OR56A1: variants seen among roughly 807,000 people sequenced by gnomAD.
OR56A1 encodes the protein olfactory receptor 56A1.
For synonymous variants in OR56A1, 174 were observed against 159.1 expected (o/e 1.09, Z -0.70); for missense variants, 360 against 380.9 (o/e 0.94, Z 0.46).
rs774909619 is a variant in OR56A1, at chr11:6,026,865, C to T, written c.828G>A (p.Leu276=). Residue 276 remains leucine, a synonymous_variant, in exon 2 of 2, where the codon CTG becomes CTA. Transcript: ENST00000641900. ...VARKKVPMDI[L]ILLNVLHHLI... ...GGTGATGAAGGACGTTCAGCAGGAT[C>T]AGGATGTCCATGGGGACCTTCTTTC... The T allele has an allele frequency of 6.2e-7, 1 of 1,614,040 alleles. No individual in the cohort carries two copies. Among genetic ancestry groups the T allele is most frequent in the African/African-American group, 1.3e-5 (1 of 74,940 alleles).
chr11:6,026,650 A>G lies in OR56A1; in HGVS notation c.*98T>C. ...TCAGTAATGAAGGGAGCCTCAGTGC[A>G]TGCAATAAACACTCACTAACTGACA... is the stretch of plus-strand genomic sequence containing the variant. On this transcript the variant is annotated 3_prime_UTR_variant, in exon 2 of 2. Coordinates refer to ENST00000641900, the MANE Select transcript of OR56A1 (RefSeq NM_001388488.1). The G allele has an allele frequency of 4.0e-6, 3 of 746,058 alleles. No homozygotes were observed. Among genetic ancestry groups the G allele is most frequent in the South Asian group, 1.8e-5 (1 of 55,902 alleles). The allele number at this position is 746,058 out of a possible 1,614,324, so 46.2% of individuals were successfully genotyped here.
At position 6,026,805 on chromosome 11, in the gene OR56A1, C is replaced by T; in HGVS notation, c.888G>A (p.Gly296=). 6.2e-7 allele frequency: 1 copy of T among 1,613,782 alleles called. No individual in the cohort carries two copies. The highest frequency in any genetic ancestry group is 8.5e-7 in the Non-Finnish European group (1 of 1,179,798). ...CCTGTTTTATCTCTTTGGTCCGAAC[C>T]CCATACACAATAGGGTTCAATGCAG... The part of the protein sequence containing the change: ...IPPALNPIVY[G]VRTKEIKQGI... Residue 296 remains glycine, a synonymous_variant, in exon 2 of 2, where the codon GGG becomes GGA. Transcript: ENST00000641900.
chr11:6,026,876 T>C lies in OR56A1; in HGVS notation c.817A>G (p.Met273Val), dbSNP rs768070559. Residue 273 changes from methionine to valine, a missense_variant, in exon 2 of 2, where the codon ATG becomes GTG. By Grantham distance (21) the Met-to-Val change is conservative. Transcript: ENST00000641900. ...ACGTTCAGCAGGATCAGGATGTCCA[T>C]GGGGACCTTCTTTCTGGCCACGTTT... ...LTNVARKKVPMDILILLNVLH... is the reference protein window; with the variant it reads ...LTNVARKKVPVDILILLNVLH... The C allele has an allele frequency of 2.5e-6, 4 of 1,614,138 alleles. No homozygotes were observed. The highest frequency in any genetic ancestry group is 3.4e-6 in the Non-Finnish European group (4 of 1,179,926).
Position 6,026,696 on chromosome 11 carries a change from G to A in OR56A1, c.*52C>T. On this transcript the variant is annotated 3_prime_UTR_variant, in exon 2 of 2. Transcript: ENST00000641900. Reference sequence around the variant, plus strand: ...TGACATTTCTCTACTTCGCTGCCTAGGTAAAATCACTGAAGAGGAAGAACA... The same window carrying A: ...TGACATTTCTCTACTTCGCTGCCTAAGTAAAATCACTGAAGAGGAAGAACA... 3.4e-6 allele frequency: 4 copies of A among 1,170,240 alleles called. No individual in the cohort carries two copies. The highest frequency in any genetic ancestry group is 1.4e-5 in the South Asian group (1 of 69,520). 72.5% of individuals were successfully genotyped at this position (1,170,240 alleles called of 1,614,324 possible).
Position 6,022,290 on chromosome 11 carries a change from G to C in OR56A1, c.*4458C>G, listed in dbSNP as rs1848404965. ...TTGCCACCCAGATTCAGAAGCACCA[G>C]TGAAGGTCTCTAAGAGCCCAGAACA... On this transcript the variant is annotated 3_prime_UTR_variant, in exon 2 of 2. Transcript: ENST00000641900. 6.6e-6 allele frequency: 1 copy of C among 152,078 alleles called. No individual in the cohort carries two copies. The highest frequency in any genetic ancestry group is 2.1e-4 in the South Asian group (1 of 4,820). The allele number at this position is 152,078 out of a possible 1,614,324, so 9.4% of individuals were successfully genotyped here.
rs1457346856 is a variant in OR56A1 at position 6,024,703 on chromosome 11, G to A, written c.*2045C>T. 1 of 152,114 alleles carries A rather than the reference G, an allele frequency of 6.6e-6. No individual in the cohort carries two copies. Among genetic ancestry groups the A allele is most frequent in the Admixed American group, 6.5e-5 (1 of 15,270 alleles). 9.4% of individuals were successfully genotyped at this position (152,114 alleles called of 1,614,324 possible). A position where few individuals can be genotyped will look rare whatever the true frequency, so the allele number is the denominator to read the frequency against. On this transcript the variant is annotated 3_prime_UTR_variant, in exon 2 of 2. Coordinates refer to ENST00000641900, the MANE Select transcript of OR56A1 (RefSeq NM_001388488.1). ...ACATGAACTTGGATTTTCATTATAA[G>A]TATTATTTTAGAAAATCAGTGGTGA...
chr11:6,022,301 T>C lies in OR56A1; in HGVS notation c.*4447A>G, dbSNP rs143854538. 1 of 152,146 alleles carries C rather than the reference T, an allele frequency of 6.6e-6. No individual in the cohort carries two copies. Among genetic ancestry groups the C allele is most frequent in the East Asian group, 1.9e-4 (1 of 5,172 alleles). The allele number at this position is 152,146 out of a possible 1,614,324, so 9.4% of individuals were successfully genotyped here. On this transcript the variant is annotated 3_prime_UTR_variant, in exon 2 of 2. Transcript: ENST00000641900. ...ATTCAGAAGCACCAGTGAAGGTCTC[T>C]AAGAGCCCAGAACATGGAGGATCCA... is the stretch of plus-strand genomic sequence containing the variant.
At chr11:6,028,056 G>A (rs35915176) in intron 1 of OR56A1, among the ~76,000 whole-genome samples, 2,785 of 152,110 alleles carry the variant, frequency 0.018, 52 homozygotes, top group Middle Eastern at 0.034. Flanking sequence ...TAGATGATAA[G>A]TTTTTTAATA....
upstream of OR56A1, among the ~76,000 whole-genome samples, chr11:6,031,529 G>A (rs1000723946): frequency 6.6e-6 from 1 of 152,084 alleles, no homozygotes; most frequent in Non-Finnish European, 1.5e-5. Flanking sequence ...CACTGAGGAT[G>A]GGAAGAAGGT....
In OR56A1 at chr11:6,025,815, T is replaced by C. The variant is rs936481195; in HGVS notation, c.*933A>G. ...ACTTGAACCTCCTTTTTTTCATCAT[T>C]GTCTCCAATACCCACTTAAACAATT... is the stretch of plus-strand genomic sequence containing the variant. On this transcript the variant is annotated 3_prime_UTR_variant, in exon 2 of 2. Transcript: ENST00000641900. 6.6e-5 allele frequency: 10 copies of C among 152,224 alleles called. No homozygotes were observed. The highest frequency in any genetic ancestry group is 4.6e-4 in the Admixed American group (7 of 15,282). 9.4% of individuals were successfully genotyped at this position (152,224 alleles called of 1,614,324 possible).
At chr11:6,028,514 A>G (rs1848480270) in intron 1 of OR56A1, among the ~76,000 whole-genome samples, 1 of 152,202 alleles carries the variant, frequency 6.6e-6, no homozygotes, top group Admixed American at 6.5e-5. Flanking sequence ...TGGAGAAAGT[A>G]GAAAGTAATC....
upstream of OR56A1, among the ~76,000 whole-genome samples, chr11:6,031,690 T>A (rs1245325302): frequency 6.6e-6 from 1 of 152,166 alleles, no homozygotes; most frequent in South Asian, 2.1e-4. Flanking sequence ...TGAGTAAGAT[T>A]AGTGTGTACT....
chr11:6,028,360 A>C (rs1240964842), intron 1 of OR56A1, among the ~76,000 whole-genome samples: 9 of 151,932 alleles, frequency 5.9e-5, no homozygotes, highest in Non-Finnish European at 2.9e-5. Context: ...CATTAACCTT[A>C]AATGTGCCTT....
rs1380005342 is a variant in OR56A1 at position 6,022,845 on chromosome 11, A to G, written c.*3903T>C. The G allele has an allele frequency of 6.6e-6, 1 of 152,124 alleles. No homozygotes were observed. The highest frequency in any genetic ancestry group is 1.5e-5 in the Non-Finnish European group (1 of 68,014). The allele number at this position is 152,124 out of a possible 1,614,324, so 9.4% of individuals were successfully genotyped here. A position where few individuals can be genotyped will look rare whatever the true frequency, so the allele number is the denominator to read the frequency against. ...AATTTTTGGTTGAATAGGTGCAGAA[A>G]TGTTGTTATTATATACAGTACTCAG... On this transcript the variant is annotated 3_prime_UTR_variant, in exon 2 of 2. Coordinates refer to ENST00000641900, the MANE Select transcript of OR56A1 (RefSeq NM_001388488.1).
At chr11:6,032,694 G>C (rs1055506081), upstream of OR56A1, among the ~76,000 whole-genome samples, 1 of 152,082 alleles carries the variant, frequency 6.6e-6, no homozygotes, top group African/African-American at 2.4e-5. Context: ...CAGAATACAT[G>C]ATGGAACTCA....
rs990131626 is a variant in OR56A1, at chr11:6,021,475, C to T, written c.*5273G>A. On this transcript the variant is annotated 3_prime_UTR_variant, in exon 2 of 2. Coordinates refer to ENST00000641900, the MANE Select transcript of OR56A1 (RefSeq NM_001388488.1). Reference sequence around the variant, plus strand: ...TAATTACCCTGATCTGCTCACTACACGTTGTATGTAACTTCATAAATATGT... The same window carrying T: ...TAATTACCCTGATCTGCTCACTACATGTTGTATGTAACTTCATAAATATGT... 1 of 151,896 alleles carries T rather than the reference C, an allele frequency of 6.6e-6. No homozygotes were observed. Among genetic ancestry groups the T allele is most frequent in the African/African-American group, 2.4e-5 (1 of 41,372 alleles). The allele number at this position is 151,896 out of a possible 1,614,324, so 9.4% of individuals were successfully genotyped here.
chr11:6,026,683 A>T lies in OR56A1; in HGVS notation c.*65T>A. On this transcript the variant is annotated 3_prime_UTR_variant, in exon 2 of 2. Transcript: ENST00000641900. ...AACACTCACTAACTGACATTTCTCT[A>T]CTTCGCTGCCTAGGTAAAATCACTG... is the stretch of plus-strand genomic sequence containing the variant. 1.0e-6 allele frequency: 1 copy of T among 992,850 alleles called. No homozygotes were observed. The highest frequency in any genetic ancestry group is 1.5e-6 in the Non-Finnish European group (1 of 652,448). 61.5% of individuals were successfully genotyped at this position (992,850 alleles called of 1,614,324 possible).
chr11:6,032,116 C>T (rs573692730), upstream of OR56A1, among the ~76,000 whole-genome samples: 1 of 152,080 alleles, frequency 6.6e-6, no homozygotes, highest in South Asian at 2.1e-4. Flanking sequence ...ATTCATTTGA[C>T]TGGTAGCAAC....
At position 6,027,200 on chromosome 11, in the gene OR56A1, G is replaced by T. The variant is rs1215247016; in HGVS notation, c.493C>A (p.Leu165Ile). The change falls in exon 2 of 2, where the codon CTC becomes ATC. Residue 165 changes from leucine (L) to isoleucine (I), a missense_variant. Leu to Ile is a conservative substitution (Grantham distance 5). Coordinates refer to ENST00000641900, the MANE Select transcript of OR56A1 (RefSeq NM_001388488.1). ...NALLTAPIPILTSLLHYCGEN... is the reference protein window; with the variant it reads ...NALLTAPIPIITSLLHYCGEN... ...CCACAGTAATGGAGCAGGGAAGTGA[G>T]GATAGGAATGGGTGCAGTAAGAAGC... The T allele has an allele frequency of 6.2e-7, 1 of 1,614,238 alleles. No individual in the cohort carries two copies. The highest frequency in any genetic ancestry group is 2.2e-5 in the East Asian group (1 of 44,886).
Sources: allele counts gnomAD v4.1 joint callset (sites outside exome capture counted in the v4.1 genomes callset), GRCh38; gene constraint gnomAD v4.1.1; transcripts MANE v1.5; gene names NCBI Gene and HGNC (gene_info 2026-07-23, HGNC 2026-07-21).